Variants in ANKRD28 observed in about 807,000 individuals in gnomAD.
ANKRD28 encodes the protein serine/threonine-protein phosphatase 6 regulatory ankyrin repeat subunit A.
Under a neutral mutation model 126.5 loss-of-function variants are expected in ANKRD28, and 44 were observed. The observed-to-expected ratio is 0.35, with a 90% CI of 0.27 to 0.45. The LOEUF is 0.45. Ranked by LOEUF, ANKRD28 falls within the 20% of genes least tolerant of loss-of-function variation. The pLI is 1.00. For synonymous variants in ANKRD28, 442 were observed against 468.5 expected (o/e 0.94, Z 0.73); for missense variants, 1,110 against 1,316.6 (o/e 0.84, Z 2.43).
intron 15 of ANKRD28, among the ~76,000 whole-genome samples, chr3:15,695,511 T>C (rs905857623): frequency 1.3e-5 from 2 of 152,182 alleles, no homozygotes; most frequent in Admixed American, 6.5e-5. Context: ...TCTACGCTCG[T>C]TGAATTTTAT....
At chr3:15,749,292 T>C (rs569011223) in intron 4 of ANKRD28, among the ~76,000 whole-genome samples, 56 of 150,988 alleles carry the variant, frequency 3.7e-4, no homozygotes, top group Non-Finnish European at 5.5e-4. Flanking sequence ...TTGTATTTTT[T>C]TAGTAGAGAC....
At chr3:15,698,844 C>T (rs2070090729) in intron 14 of ANKRD28, among the ~76,000 whole-genome samples, 1 of 152,118 alleles carries the variant, frequency 6.6e-6, no homozygotes, top group Admixed American at 6.5e-5. Flanking sequence ...GAATGCCATC[C>T]CCATCAAGCT....
chr3:15,823,014 C>T (rs533311155), intron 1 of ANKRD28, among the ~76,000 whole-genome samples: 122 of 152,270 alleles, frequency 8.0e-4, no homozygotes, highest in African/African-American at 2.8e-3. Flanking sequence ...TAGAAACATA[C>T]AAACTATCAA....
intron 6 of ANKRD28, among the ~76,000 whole-genome samples, chr3:15,726,698 A>C (rs75566846): frequency 0.04 from 6,063 of 152,358 alleles, 160 homozygotes; most frequent in Non-Finnish European, 0.064. Flanking sequence ...AGGTGGCTAC[A>C]TTAAACAGCA....
intron 2 of ANKRD28, among the ~76,000 whole-genome samples, chr3:15,775,869 C>G (rs1389929675): frequency 6.6e-6 from 1 of 152,174 alleles, no homozygotes; most frequent in East Asian, 1.9e-4. Flanking sequence ...GATTAAATAA[C>G]TGGCTACTGG....
chr3:15,713,422 A>T, intron 10 of ANKRD28, 105 bp downstream of exon 10: 8 of 832,848 alleles, frequency 9.6e-6, no homozygotes, highest in Non-Finnish European at 1.5e-5. Flanking sequence ...TTAATACAAC[A>T]TTGAGGATAA....
rs1010004431 is a variant in ANKRD28, at chr3:15,690,156, C to T, written c.1826G>A (p.Arg609Lys). The change falls in exon 18 of 28, where the codon AGA becomes AAA. Residue 609 changes from arginine to lysine, a missense_variant. By Grantham distance (26) the Arg-to-Lys change is conservative. Transcript: ENST00000683139. ...TAGGGGTGTTCTTCCACTACTATTT[C>T]TGACATCAAGATCTAACAAAGACTG... ...LVQSLLDLDV[R>K]NSSGRTPLDL... 6.2e-6 allele frequency: 10 copies of T among 1,609,506 alleles called. No homozygotes were observed. Among genetic ancestry groups the T allele is most frequent in the Non-Finnish European group, 8.5e-6 (10 of 1,177,788 alleles).
chr3:15,836,630 T>C (rs892175171), intron 1 of ANKRD28, among the ~76,000 whole-genome samples: 1 of 152,122 alleles, frequency 6.6e-6, no homozygotes, highest in African/African-American at 2.4e-5. Context: ...TGGAAAAACA[T>C]ATACCACACA....
At chr3:15,673,858 C>G (rs1207263807) in intron 27 of ANKRD28, among the ~76,000 whole-genome samples, 1 of 151,890 alleles carries the variant, frequency 6.6e-6, no homozygotes, top group East Asian at 1.9e-4. Flanking sequence ...AGAAAGGTAA[C>G]AAGGTGGAGG....
At chr3:15,782,737 G>A (rs536278835) in intron 2 of ANKRD28, among the ~76,000 whole-genome samples, 4 of 152,054 alleles carry the variant, frequency 2.6e-5, no homozygotes, top group Non-Finnish European at 5.9e-5. Flanking sequence ...AACTCAACAA[G>A]TTTCAAACAA....
At chr3:15,718,653 T>C (rs185603425) in intron 8 of ANKRD28, among the ~76,000 whole-genome samples, 30 of 151,920 alleles carry the variant, frequency 2.0e-4, no homozygotes, top group African/African-American at 6.6e-4. Context: ...AAGCCCAATC[T>C]CTACCTTTTA....
chr3:15,754,548 T>G (rs1318093399), intron 3 of ANKRD28, among the ~76,000 whole-genome samples: 1 of 152,130 alleles, frequency 6.6e-6, no homozygotes, highest in Non-Finnish European at 1.5e-5. Context: ...ATCTTCTACC[T>G]GAAATTCTGA....
intron 4 of ANKRD28, among the ~76,000 whole-genome samples, chr3:15,749,129 A>G: frequency 1.1e-5 from 1 of 94,830 alleles, no homozygotes; most frequent in African/African-American, 4.9e-5. Context: ...TTTGAGACGG[A>G]GTCTCGCTCT....
chr3:15,679,159 C>T (rs1191145513), intron 23 of ANKRD28, 142 bp downstream of exon 23: 1 of 695,042 alleles, frequency 1.4e-6, no homozygotes, highest in South Asian at 1.8e-5. Flanking sequence ...GGTAGAGATG[C>T]AGGTCTTGCT....
rs917795416 is a variant in ANKRD28 at position 15,814,454 on chromosome 3, G to C, written c.28-19148C>G. ...ACTTACTTTGGATTTTATTAATTCA[G>C]AATTTACTTTTATCCTTCTATCAAG... On this transcript the variant is annotated intron_variant, in intron 1 of 27. Transcript: ENST00000399451. This position sits in a 1 kb window ranked among gnomAD's most constrained non-coding sequence, Gnocchi z 4.7. The C allele has an allele frequency of 3.5e-6, 1 of 289,350 alleles. No individual in the cohort carries two copies. The highest frequency in any genetic ancestry group is 2.3e-5 in the African/African-American group (1 of 43,910). The allele number at this position is 289,350 out of a possible 1,614,324, so 17.9% of individuals were successfully genotyped here.
intron 2 of ANKRD28, among the ~76,000 whole-genome samples, chr3:15,777,399 G>C (rs778339428): frequency 1.3e-5 from 2 of 152,112 alleles, no homozygotes; most frequent in African/African-American, 2.4e-5. Flanking sequence ...AGGAATAAAA[G>C]TAGAAATTTT....
chr3:15,767,352 C>T (rs148478895), intron 2 of ANKRD28, among the ~76,000 whole-genome samples: 1 of 152,256 alleles, frequency 6.6e-6, no homozygotes, highest in East Asian at 1.9e-4. Flanking sequence ...ACTTACATCC[C>T]TCATTTTTGA....
intron 1 of ANKRD28, among the ~76,000 whole-genome samples, chr3:15,842,711 C>T: frequency 6.6e-6 from 1 of 152,086 alleles, no homozygotes; most frequent in South Asian, 2.1e-4. Context: ...ATATATACAC[C>T]TACTGTGTAC....
At chr3:15,844,029 G>A (rs2061480629) in intron 1 of ANKRD28, among the ~76,000 whole-genome samples, 1 of 152,112 alleles carries the variant, frequency 6.6e-6, no homozygotes, top group African/African-American at 2.4e-5. Flanking sequence ...AAGGGGATGG[G>A]TGTTGTAGAG....
Sources: allele counts gnomAD v4.1 joint callset (sites outside exome capture counted in the v4.1 genomes callset), GRCh38; gene constraint gnomAD v4.1.1; non-coding constraint Gnocchi (gnomAD v3.1); transcripts MANE v1.5; gene names NCBI Gene and HGNC (gene_info 2026-07-23, HGNC 2026-07-21).